GRXCR1: variants seen among roughly 807,000 people sequenced by gnomAD.
GRXCR1 encodes the protein glutaredoxin and cysteine rich domain containing 1.
Under a neutral mutation model 27.3 loss-of-function variants are expected in GRXCR1, and 27 were observed. The observed-to-expected ratio is 0.99, with a 90% CI of 0.73 to 1.37. GRXCR1 has a LOEUF of 1.37. Ranked by LOEUF, GRXCR1 falls within the 40% of genes most tolerant of loss-of-function variation. The pLI, the probability that GRXCR1 is intolerant of heterozygous loss-of-function variation, is 0.00. For synonymous variants in GRXCR1, 122 were observed against 131.1 expected (o/e 0.93, Z 0.47); for missense variants, 379 against 354.4 (o/e 1.07, Z -0.56).
At chr4:42,949,391 A>G (rs1240370304) in intron 1 of GRXCR1, among the ~76,000 whole-genome samples, 2 of 151,356 alleles carry the variant, frequency 1.3e-5, no homozygotes, top group Non-Finnish European at 2.9e-5. Context: ...TTTAAAATTC[A>G]TAAATCCTGT....
chr4:43,022,234 C>G (rs1459546436), intron 3 of GRXCR1, among the ~76,000 whole-genome samples: 3 of 152,162 alleles, frequency 2.0e-5, no homozygotes, highest in Non-Finnish European at 4.4e-5. Context: ...CAATATCATA[C>G]TATTTTAATT....
rs1337888944 is a variant in GRXCR1 at position 42,973,444 on chromosome 4, T to G, written c.627+10310T>G. On this transcript the variant is annotated intron_variant, in intron 2 of 3. Coordinates refer to ENST00000399770, the MANE Select transcript of GRXCR1 (RefSeq NM_001080476.3). ...CTTTCACAGCTCTAATCTTGTAAAGTCTTTTCATTTTGGGGGTCCTTGCCG... is the reference window on the plus strand; with the variant it reads ...CTTTCACAGCTCTAATCTTGTAAAGGCTTTTCATTTTGGGGGTCCTTGCCG... Among the ~76,000 whole-genome samples, 6 of 152,074 alleles carry G rather than the reference T, an allele frequency of 3.9e-5. No individual in the cohort carries two copies. In the East Asian group the frequency reaches 1.2e-3, roughly 29 times the overall value.
intron 2 of GRXCR1, among the ~76,000 whole-genome samples, chr4:42,998,943 G>A (rs573443423): frequency 1.3e-5 from 2 of 152,098 alleles, no homozygotes; most frequent in African/African-American, 2.4e-5. Flanking sequence ...CTTGATGTCC[G>A]GTACCTATAT....
intron 1 of GRXCR1, among the ~76,000 whole-genome samples, chr4:42,908,579 T>C (rs1372569610): frequency 6.6e-6 from 1 of 152,196 alleles, no homozygotes; most frequent in Non-Finnish European, 1.5e-5. Context: ...GTCCTTCTAT[T>C]TGTTAGTTCT....
intron 1 of GRXCR1, among the ~76,000 whole-genome samples, chr4:42,944,547 C>A (rs1158205019): frequency 2.0e-5 from 3 of 151,986 alleles, no homozygotes; most frequent in Non-Finnish European, 2.9e-5. Flanking sequence ...CTCATAAGGG[C>A]TGGGTGGCAT....
At chr4:42,951,487 A>G (rs563003095) in intron 1 of GRXCR1, among the ~76,000 whole-genome samples, 1 of 152,190 alleles carries the variant, frequency 6.6e-6, no homozygotes, top group Non-Finnish European at 1.5e-5. Flanking sequence ...GAAAAGTTTG[A>G]CTCAAATAAT....
intron 1 of GRXCR1, among the ~76,000 whole-genome samples, chr4:42,909,316 A>G (rs1746665974): frequency 6.6e-6 from 1 of 152,142 alleles, no homozygotes; most frequent in Admixed American, 6.6e-5. Context: ...GCAGTTTTAT[A>G]TGTCATAAAA....
At chr4:42,922,258 C>T (rs1295915584) in intron 1 of GRXCR1, among the ~76,000 whole-genome samples, 2 of 152,098 alleles carry the variant, frequency 1.3e-5, no homozygotes, top group Non-Finnish European at 2.9e-5. Context: ...ACTGCCCCTG[C>T]CTCCTGGTCT....
chr4:42,918,435 C>T (rs990868405), intron 1 of GRXCR1, among the ~76,000 whole-genome samples: 4 of 151,994 alleles, frequency 2.6e-5, no homozygotes, highest in Non-Finnish European at 1.5e-5. Flanking sequence ...CCCATTTTCT[C>T]CTCTATGTTC....
At chr4:42,984,914 C>T (rs1238813975) in intron 2 of GRXCR1, among the ~76,000 whole-genome samples, 1 of 152,036 alleles carries the variant, frequency 6.6e-6, no homozygotes, top group Non-Finnish European at 1.5e-5. Flanking sequence ...CATGTACCAG[C>T]CTGGAGTCTG....
At chr4:42,981,970 A>G (rs1401863813) in intron 2 of GRXCR1, among the ~76,000 whole-genome samples, 1 of 151,924 alleles carries the variant, frequency 6.6e-6, no homozygotes, top group Non-Finnish European at 1.5e-5. Context: ...GTGTCTAGAT[A>G]TTTATATCTT....
intron 2 of GRXCR1, among the ~76,000 whole-genome samples, chr4:42,992,728 A>G (rs1306869450): frequency 1.3e-5 from 2 of 152,118 alleles, no homozygotes; most frequent in African/African-American, 4.8e-5. Context: ...CACAGCTGCC[A>G]TTACATTCAG....
chr4:42,895,884 A>G (rs926357598), intron 1 of GRXCR1, among the ~76,000 whole-genome samples: 1 of 152,034 alleles, frequency 6.6e-6, no homozygotes, highest in African/African-American at 2.4e-5. Flanking sequence ...TTCCCCCTAT[A>G]TATTTTCCAT....
At chr4:43,030,292 G>A in intron 3 of GRXCR1, 69 bp from the exon 4 acceptor site, 1 of 1,414,376 alleles carries the variant, frequency 7.1e-7, no homozygotes, top group Non-Finnish European at 1.0e-6. Flanking sequence ...AGAAAGACCG[G>A]GAGGCTGATT....
intron 1 of GRXCR1, among the ~76,000 whole-genome samples, chr4:42,926,775 G>T (rs1024395538): frequency 3.9e-5 from 6 of 151,916 alleles, no homozygotes; most frequent in Non-Finnish European, 8.8e-5. Flanking sequence ...TTAAATTGTG[G>T]TTGAAGATGT....
At chr4:42,894,665 G>A (rs1230429039) in intron 1 of GRXCR1, among the ~76,000 whole-genome samples, 1 of 150,416 alleles carries the variant, frequency 6.6e-6, no homozygotes, top group Non-Finnish European at 1.5e-5. Context: ...ATTAGTTTTT[G>A]TTAAAGGATA....
chr4:42,909,767 A>G (rs1746676658), intron 1 of GRXCR1, among the ~76,000 whole-genome samples: 1 of 152,150 alleles, frequency 6.6e-6, no homozygotes, highest in African/African-American at 2.4e-5. Flanking sequence ...CTCCCCTGCT[A>G]AAAACAAACC....
chr4:42,945,046 C>T (rs1747710564), intron 1 of GRXCR1, among the ~76,000 whole-genome samples: 1 of 152,036 alleles, frequency 6.6e-6, no homozygotes, highest in African/African-American at 2.4e-5. Context: ...CTTCACTCTT[C>T]CTTTATGAAT....
intron 2 of GRXCR1, among the ~76,000 whole-genome samples, chr4:42,997,693 T>C (rs1260610649): frequency 1.3e-5 from 2 of 152,254 alleles, no homozygotes; most frequent in Admixed American, 1.3e-4. Flanking sequence ...ATCAGAAAAC[T>C]AGGGATGGCC....
Sources: gnomAD v4.1 joint callset for allele counts (sites outside exome capture counted in the v4.1 genomes callset) on GRCh38, gnomAD v4.1.1 for gene constraint, MANE v1.5 for transcripts, NCBI Gene and HGNC (gene_info 2026-07-23, HGNC 2026-07-21) for gene names.